Variants in ENPP1 observed in about 807,000 individuals in gnomAD.
The protein encoded by ENPP1 is ectonucleotide pyrophosphatase/phosphodiesterase family member 1.
Under a neutral mutation model 122.8 loss-of-function variants are expected in ENPP1, and 73 were observed. The observed-to-expected ratio is 0.59, with a 90% CI of 0.49 to 0.72. The LOEUF (loss-of-function observed/expected upper bound fraction) is 0.72. ENPP1 is among the 30% of genes least tolerant of loss of function. ENPP1 has a pLI of 0.00. For synonymous variants in ENPP1, 367 were observed against 391.6 expected, an observed-to-expected ratio of 0.94 and a Z score of 0.74; for missense variants, 978 against 1,128.1, an observed-to-expected ratio of 0.87 and a Z score of 1.91.
rs1392809339 is a variant in ENPP1 at position 131,893,747 on chromosome 6, C to A, written c.*3236C>A. 2 of 150,712 alleles carry A rather than the reference C, an allele frequency of 1.3e-5. No individual in the cohort carries two copies. The highest frequency in any genetic ancestry group is 3.0e-5 in the Non-Finnish European group (2 of 67,618). The allele number at this position is 150,712 out of a possible 1,614,324, so 9.3% of individuals were successfully genotyped here. On this transcript the variant is annotated 3_prime_UTR_variant, in exon 25 of 25. Transcript: ENST00000647893. ...TTTTTTTCTTTTCTTGAAAGAGACT[C>A]CTCCTTTCTTTTCTTTTCTTGAAAG...
At chr6:131,865,474 T>G (rs1262604887) in intron 11 of ENPP1, among the ~76,000 whole-genome samples, 1 of 152,224 alleles carries the variant, frequency 6.6e-6, no homozygotes, top group African/African-American at 2.4e-5. Context: ...ACGAAACAGC[T>G]CATGGACTAA....
intron 20 of ENPP1, among the ~76,000 whole-genome samples, chr6:131,880,884 AAGG>A (rs1348201399): frequency 1.3e-5 from 2 of 152,130 alleles, no homozygotes; most frequent in African/African-American, 4.8e-5. Context: ...TAGGCCTTGA[AAGG>A]AGTGAGGGCA....
chr6:131,825,891 T>C (rs1781541404), intron 1 of ENPP1: 1 of 306,244 alleles, frequency 3.3e-6, no homozygotes, highest in African/African-American at 2.1e-5. Context: ...CCATTTTTCA[T>C]CTTTATTAAC....
At chr6:131,830,018 A>G (rs1256146300) in intron 1 of ENPP1, among the ~76,000 whole-genome samples, 1 of 152,138 alleles carries the variant, frequency 6.6e-6, no homozygotes, top group Non-Finnish European at 1.5e-5. Context: ...AAAAGGCAGT[A>G]ACACAACTTG....
Position 131,871,033 on chromosome 6 carries a change from G to A in ENPP1, c.1406-1037G>A, listed in dbSNP as rs193044743. Among the ~76,000 whole-genome samples, 318 of 151,874 alleles carry A rather than the reference G, an allele frequency of 2.1e-3. 2 individuals are homozygous for A. Among genetic ancestry groups the A allele is most frequent in the African/African-American group, 7.3e-3 (301 of 41,420 alleles). On this transcript the variant is annotated intron_variant, in intron 13 of 24. Coordinates refer to ENST00000647893, the MANE Select transcript of ENPP1 (RefSeq NM_006208.3). The stretch of plus-strand genomic sequence containing the variant: ...AGAGGTTGCAGTGAGCTGAGATTGC[G>A]CCACTGCACTCCAGCCTGGTGACAG...
chr6:131,875,408 C>A (rs967398631), intron 16 of ENPP1, among the ~76,000 whole-genome samples: 10 of 152,028 alleles, frequency 6.6e-5, no homozygotes, highest in African/African-American at 2.4e-4. Context: ...TACATTTACC[C>A]AGCACTTTAA....
rs1477760117 is a variant in ENPP1 at position 131,861,657 on chromosome 6, T to C, written c.978T>C (p.Asp326=). The C allele has an allele frequency of 1.9e-6, 3 of 1,613,736 alleles. No homozygotes were observed. Among genetic ancestry groups the C allele is most frequent in the African/African-American group, 1.3e-5 (1 of 74,942 alleles). The change falls in exon 9 of 25, where the codon GAT becomes GAC. Residue 326 remains aspartate, a synonymous_variant. Transcript: ENST00000647893. ...GCACATTTTTCTGGCCAGGATCAGATGTGGAAATTAACGGAATTTTCCCAG... is the reference window on the plus strand; with the variant it reads ...GCACATTTTTCTGGCCAGGATCAGACGTGGAAATTAACGGAATTTTCCCAG... ...KSGTFFWPGS[D]VEINGIFPDI... is the part of the protein sequence containing the mutation.
chr6:131,875,882 C>CT lies in ENPP1; in HGVS notation c.1723+25dup, dbSNP rs1782225517. The CT allele has an allele frequency of 6.3e-7, 1 of 1,578,432 alleles. No homozygotes were observed. Among genetic ancestry groups the CT allele is most frequent in the Non-Finnish European group, 8.7e-7 (1 of 1,147,624 alleles). On this transcript the variant is annotated intron_variant, in intron 17 of 24. Transcript: ENST00000647893. Reference sequence around the variant, plus strand: ...ATGTGTGGTAAGTGTGAACAGGTGCCTTTTTTCCCTTCTGAAAATAGACCT... The same window carrying CT: ...ATGTGTGGTAAGTGTGAACAGGTGCCTTTTTTTCCCTTCTGAAAATAGACCT...
chr6:131,810,448 G>GCCACCCCCCC (rs1781334361), intron 1 of ENPP1, among the ~76,000 whole-genome samples: 1 of 52,710 alleles, frequency 1.9e-5, no homozygotes, highest in Non-Finnish European at 4.6e-5. Flanking sequence ...CCCCAACCCC[G>GCCACCCCCCC]CCCCCCCCCC....
chr6:131,858,630 A>C, intron 6 of ENPP1, 38 bp from the exon 7 acceptor site: 1 of 1,332,530 alleles, frequency 7.5e-7, no homozygotes, highest in Non-Finnish European at 1.1e-6. Context: ...CAATTGTCAG[A>C]TGTATTTAAT....
At chr6:131,888,235 C>CTTTTTT (rs58493790) in intron 24 of ENPP1, among the ~76,000 whole-genome samples, 1 of 139,484 alleles carries the variant, frequency 7.2e-6, no homozygotes, top group Non-Finnish European at 1.6e-5. Flanking sequence ...CCTACATTTC[C>CTTTTTT]TTTTTTTTTT....
intron 5 of ENPP1, among the ~76,000 whole-genome samples, chr6:131,852,801 T>G (rs185609085): frequency 1.3e-5 from 2 of 152,282 alleles, no homozygotes; most frequent in East Asian, 3.9e-4. Flanking sequence ...GCTTCTTTTT[T>G]TTTTTGTATT....
Position 131,808,192 on chromosome 6 carries a change from A to G in ENPP1, c.157A>G (p.Met53Val), listed in dbSNP as rs1328207700. Residue 53 changes from methionine to valine, a missense_variant, in exon 1 of 25, where the codon ATG becomes GTG. Met to Val is a conservative substitution (Grantham distance 21). Coordinates refer to ENST00000647893, the MANE Select transcript of ENPP1 (RefSeq NM_006208.3). The stretch of plus-strand genomic sequence containing the variant: ...GGCGGCCGCGTCCTTGCTGGCCCCT[A>G]TGGACGTGGGGGAGGAGCCGCTGGA... The part of the protein sequence containing the change: ...PQAAASLLAP[M>V]DVGEEPLEKA... The G allele has an allele frequency of 1.9e-5, 28 of 1,501,092 alleles. No homozygotes were observed. In the East Asian group the frequency reaches 5.3e-4, roughly 28 times the overall value. 93.0% of individuals were successfully genotyped at this position (1,501,092 alleles called of 1,614,324 possible).
At chr6:131,816,735 A>G (rs775457452) in intron 1 of ENPP1, among the ~76,000 whole-genome samples, 26 of 152,194 alleles carry the variant, frequency 1.7e-4, no homozygotes, top group Non-Finnish European at 3.4e-4. Flanking sequence ...AGGTGTTGGT[A>G]GAAGTGTAGG....
At chr6:131,833,284 T>C (rs191862316) in intron 1 of ENPP1, among the ~76,000 whole-genome samples, 1 of 152,356 alleles carries the variant, frequency 6.6e-6, no homozygotes, top group Admixed American at 6.5e-5. Flanking sequence ...CATTGATTTG[T>C]AGTTCTTTGA....
chr6:131,832,637 G>T (rs936266059), intron 1 of ENPP1, among the ~76,000 whole-genome samples: 1 of 152,182 alleles, frequency 6.6e-6, no homozygotes. Context: ...TCCACGAAAG[G>T]CTTGACTGGA....
intron 1 of ENPP1, among the ~76,000 whole-genome samples, chr6:131,825,328 G>T (rs538636526): frequency 1.3e-5 from 2 of 152,210 alleles, no homozygotes; most frequent in Admixed American, 1.3e-4. Context: ...TGACCACTTC[G>T]TAACTTTTTT....
Position 131,808,238 on chromosome 6 carries a change from C to T in ENPP1, c.203C>T (p.Thr68Ile), listed in dbSNP as rs1243798306. 1.3e-6 allele frequency: 2 copies of T among 1,517,054 alleles called. No individual in the cohort carries two copies. Among genetic ancestry groups the T allele is most frequent in the South Asian group, 2.5e-5 (2 of 80,334 alleles). 94.0% of individuals were successfully genotyped at this position (1,517,054 alleles called of 1,614,324 possible). The change falls in exon 1 of 25, where the codon ACT becomes ATT. Residue 68 changes from threonine (T) to isoleucine (I), a missense_variant. Around this residue, in one of 3 missense-constraint regions of ENPP1, gnomAD observed 330 missense variants for 328.5 expected, o/e 1.00. Coordinates refer to ENST00000647893, the MANE Select transcript of ENPP1 (RefSeq NM_006208.3). ...EPLEKAARAR[T>I]AKDPNTYKVL... is the part of the protein sequence containing the mutation. ...CTGGAGAAGGCGGCGCGCGCCCGCA[C>T]TGCCAAGGACCCCAACACCTATAAA...
intron 2 of ENPP1, among the ~76,000 whole-genome samples, chr6:131,849,052 T>C (rs1781848222): frequency 6.6e-6 from 1 of 152,190 alleles, no homozygotes; most frequent in African/African-American, 2.4e-5. Context: ...TTTTCTTTTT[T>C]TCTCATTGTC....
Sources: allele counts gnomAD v4.1 joint callset (sites outside exome capture counted in the v4.1 genomes callset), GRCh38; gene constraint gnomAD v4.1.1; regional missense constraint gnomAD v4.1.1; transcripts MANE v1.5; gene names NCBI Gene and HGNC (gene_info 2026-07-23, HGNC 2026-07-21).